The following RORA variants were observed in gnomAD, a reference collection of about 807,000 sequenced individuals.
The protein encoded by RORA is nuclear receptor ROR-alpha.
Under a neutral mutation model 69.5 loss-of-function variants are expected in RORA, and 7 were observed. That is an observed-to-expected ratio of 0.10 (90% CI 0.06 to 0.19). RORA has a LOEUF of 0.19. Ranked by LOEUF, RORA falls within the 10% of genes least tolerant of loss-of-function variation. RORA has a pLI of 1.00. For synonymous variants in RORA, 261 were observed against 240.8 expected, an observed-to-expected ratio of 1.08 and a Z score of -0.78; for missense variants, 457 against 663.0, an observed-to-expected ratio of 0.69 and a Z score of 3.41.
chr15:60,827,637 G>C (rs752136125), intron 1 of RORA, among the ~76,000 whole-genome samples: 5 of 152,238 alleles, frequency 3.3e-5, no homozygotes, highest in Non-Finnish European at 7.3e-5. Flanking sequence ...CTGCTGCTGG[G>C]ACATGGCGGG....
At chr15:60,914,073 T>C (rs1481035322) in intron 1 of RORA, among the ~76,000 whole-genome samples, 1 of 152,182 alleles carries the variant, frequency 6.6e-6, no homozygotes, top group South Asian at 2.1e-4. Context: ...TGATCTGCAC[T>C]CCATTGACTG....
chr15:60,552,405 A>G (rs28589452), intron 2 of RORA, among the ~76,000 whole-genome samples: 1 of 152,014 alleles, frequency 6.6e-6, no homozygotes, highest in Non-Finnish European at 1.5e-5. Context: ...CATTCATTCT[A>G]CAAAGCCTTT....
intron 1 of RORA, among the ~76,000 whole-genome samples, chr15:60,692,243 GATAGCTC>G (rs1285721220): frequency 3.3e-5 from 5 of 152,132 alleles, no homozygotes; most frequent in East Asian, 3.8e-4. Context: ...TATTTTTAAA[GATAGCTC>G]TGTTTTATAT....
At position 61,070,740 on chromosome 15, in the gene RORA, G is replaced by C. The variant is rs2078329964; in HGVS notation, c.166+158313C>G. ...TGACCTGCCCAGGGCCATCTAACTA[G>C]TAGGTGTTGGAGTTTGTACTCAAAC... is the stretch of plus-strand genomic sequence containing the variant. On this transcript the variant is annotated intron_variant, in intron 1 of 10. Coordinates refer to ENST00000335670, the MANE Select transcript of RORA (RefSeq NM_134261.3). 2.0e-5 allele frequency among the ~76,000 whole-genome samples: 3 copies of C among 152,184 alleles called. No homozygotes were observed. The South Asian group carries it at 6.2e-4, about 32-fold the overall frequency.
At chr15:60,618,043 A>T (rs2069303430) in intron 2 of RORA, among the ~76,000 whole-genome samples, 1 of 152,266 alleles carries the variant, frequency 6.6e-6, no homozygotes, top group Admixed American at 6.5e-5. Flanking sequence ...ATTTTTAATT[A>T]TCAGTTAGGA....
At chr15:60,960,371 A>G (rs1893382656) in intron 1 of RORA, among the ~76,000 whole-genome samples, 1 of 152,162 alleles carries the variant, frequency 6.6e-6, no homozygotes, top group Non-Finnish European at 1.5e-5. Context: ...ACCATCCTCA[A>G]AGGTGGGGGA....
intron 1 of RORA, among the ~76,000 whole-genome samples, chr15:60,944,444 C>T (rs550168351): frequency 1.4e-4 from 21 of 151,904 alleles, no homozygotes; most frequent in Admixed American, 2.0e-4. Context: ...GAGCGAGATG[C>T]GGTGGCTCAA....
intron 2 of RORA, among the ~76,000 whole-genome samples, chr15:60,572,160 T>C (rs947874132): frequency 1.3e-5 from 2 of 152,222 alleles, no homozygotes; most frequent in Non-Finnish European, 1.5e-5. Flanking sequence ...TACAATTACA[T>C]AGCAAAGTTG....
At chr15:60,994,405 T>C (rs1234233908) in intron 1 of RORA, among the ~76,000 whole-genome samples, 1 of 152,202 alleles carries the variant, frequency 6.6e-6, no homozygotes, top group Non-Finnish European at 1.5e-5. Flanking sequence ...ACGTAACCAA[T>C]TGTTTGTGTA....
chr15:60,558,650 A>G (rs2067442095), intron 2 of RORA, among the ~76,000 whole-genome samples: 1 of 152,346 alleles, frequency 6.6e-6, no homozygotes, highest in Non-Finnish European at 1.5e-5. Context: ...GATGGTGAAT[A>G]CCACCTTAAA....
At position 61,147,049 on chromosome 15, in the gene RORA, A is replaced by G. The variant is rs1168441332; in HGVS notation, c.166+82004T>C. Among the ~76,000 whole-genome samples, 3 of 151,976 alleles carry G rather than the reference A, an allele frequency of 2.0e-5. No individual in the cohort carries two copies. The highest frequency in any genetic ancestry group is 1.3e-4 in the Admixed American group (2 of 15,262). On this transcript the variant is annotated intron_variant, in intron 1 of 10. Coordinates refer to ENST00000335670, the MANE Select transcript of RORA (RefSeq NM_134261.3). This position sits in a 1 kb window ranked among gnomAD's most constrained non-coding sequence, Gnocchi z 4.1. ...GTCACGGGGGAACTAAATGGATTCC[A>G]TTTCCTCTGCCACCTCTGAGTGCTT...
At chr15:60,804,444 C>T (rs2072631573) in intron 1 of RORA, among the ~76,000 whole-genome samples, 1 of 152,116 alleles carries the variant, frequency 6.6e-6, no homozygotes, top group Admixed American at 6.5e-5. Context: ...AATTAGGAAA[C>T]TGAGGCTCAG....
intron 5 of RORA, among the ~76,000 whole-genome samples, chr15:60,507,142 T>C (rs779609723): frequency 5.3e-5 from 8 of 151,962 alleles, no homozygotes; most frequent in Non-Finnish European, 1.0e-4. Context: ...TTGGTAATAA[T>C]TGTTCTGGAA....
chr15:60,834,631 C>G (rs1286542168), intron 1 of RORA, among the ~76,000 whole-genome samples: 1 of 152,200 alleles, frequency 6.6e-6, no homozygotes, highest in African/African-American at 2.4e-5. Flanking sequence ...CAAACACCAA[C>G]TGAAGGATAA....
intron 1 of RORA, among the ~76,000 whole-genome samples, chr15:60,919,120 A>T (rs1289635469): frequency 6.6e-6 from 1 of 152,156 alleles, no homozygotes; most frequent in Non-Finnish European, 1.5e-5. Context: ...TCCAGACTGT[A>T]TTTCTTGGCA....
chr15:60,971,170 T>C (rs1343852829), intron 1 of RORA, among the ~76,000 whole-genome samples: 3 of 152,206 alleles, frequency 2.0e-5, no homozygotes, highest in East Asian at 3.8e-4. Flanking sequence ...CATCATGCCA[T>C]GTGTTAGAGG....
At chr15:60,669,344 TTTGTTTG>T in intron 2 of RORA, among the ~76,000 whole-genome samples, 2 of 2,236 alleles carry the variant, frequency 8.9e-4, no homozygotes, top group African/African-American at 1.5e-3. Context: ...CGTTTTTTTG[TTTGTTTG>T]TTTGTTTGTT....
intron 1 of RORA, among the ~76,000 whole-genome samples, chr15:60,867,024 C>G (rs1254649180): frequency 6.6e-6 from 1 of 152,034 alleles, no homozygotes; most frequent in Non-Finnish European, 1.5e-5. Context: ...AGCCACCATG[C>G]CCGGCTAATT....
chr15:60,555,871 A>G (rs566333675), intron 2 of RORA, among the ~76,000 whole-genome samples: 1 of 152,046 alleles, frequency 6.6e-6, no homozygotes, highest in East Asian at 1.9e-4. Context: ...AAGATAACCC[A>G]CTTCTCCCTC....
Sources: gnomAD v4.1 joint callset for allele counts (sites outside exome capture counted in the v4.1 genomes callset) on GRCh38, gnomAD v4.1.1 for gene constraint, Gnocchi (gnomAD v3.1) non-coding constraint, MANE v1.5 for transcripts, NCBI Gene and HGNC (gene_info 2026-07-23, HGNC 2026-07-21) for gene names.